The following SHISA9 variants were observed in gnomAD, a reference collection of about 807,000 sequenced individuals.
The protein encoded by SHISA9 is shisa family member 9.
In SHISA9, 13 loss-of-function variants were observed where a neutral mutation model predicts 38.0. The ratio of observed to expected loss-of-function variants is 0.34; its 90% CI spans 0.22 to 0.54. The LOEUF (loss-of-function observed/expected upper bound fraction) is 0.54, where lower values mean the gene tolerates loss of function less well. Among genes scored for constraint, SHISA9 ranks in the 20% least tolerant of loss-of-function variants. SHISA9 has a pLI of 0.91. For missense variants in SHISA9, 538 were observed against 575.8 expected (o/e 0.93, Z 0.67); for synonymous variants, 275 against 242.0 (o/e 1.14, Z -1.27).
At chr16:13,405,467 T>C in the SHISA9 span, among the ~76,000 whole-genome samples, 1 of 152,216 alleles carries the variant, frequency 6.6e-6, no homozygotes, top group Non-Finnish European at 1.5e-5. Context: ...AAGACATTTG[T>C]TTGTTAGTTT....
chr16:12,932,727 G>T (rs1217254884), intron 2 of SHISA9, among the ~76,000 whole-genome samples: 1 of 152,206 alleles, frequency 6.6e-6, no homozygotes, highest in East Asian at 1.9e-4. Flanking sequence ...AGTTTGGTCT[G>T]ACTCTGAAGC....
the SHISA9 span, among the ~76,000 whole-genome samples, chr16:13,374,127 C>T: frequency 1.8e-4 from 27 of 152,100 alleles, no homozygotes; most frequent in East Asian, 4.1e-3. Context: ...CCAAAATGTC[C>T]TGGCTTATTT....
chr16:13,443,808 C>T, the SHISA9 span, among the ~76,000 whole-genome samples: 1 of 152,206 alleles, frequency 6.6e-6, no homozygotes, highest in Non-Finnish European at 1.5e-5. Flanking sequence ...TCTTAGGCCT[C>T]TCTTTATTCT....
chr16:13,236,930 A>G lies in SHISA9; in HGVS notation c.*1521A>G, dbSNP rs2051390821. The G allele has an allele frequency of 6.6e-6, 1 of 152,176 alleles. No individual in the cohort carries two copies. The highest frequency in any genetic ancestry group is 2.1e-4 in the South Asian group (1 of 4,832). The allele number at this position is 152,176 out of a possible 1,614,324, so 9.4% of individuals were successfully genotyped here. A position where few individuals can be genotyped will look rare whatever the true frequency, so the allele number is the denominator to read the frequency against. On this transcript the variant is annotated 3_prime_UTR_variant, in exon 5 of 5. Transcript: ENST00000558583. ...TTTTTCTGGTTGGTTCTCATAATCC[A>G]TAGTCCTTGGGGTCCCAGCAAAGTC...
At chr16:13,431,661 C>T in the SHISA9 span, among the ~76,000 whole-genome samples, 17 of 152,206 alleles carry the variant, frequency 1.1e-4, no homozygotes, top group African/African-American at 4.1e-4. Context: ...CCACTGACCT[C>T]AACAGTAGCT....
intron 2 of SHISA9, among the ~76,000 whole-genome samples, chr16:13,002,446 G>A (rs1007495102): frequency 6.6e-6 from 1 of 151,600 alleles, no homozygotes; most frequent in African/African-American, 2.4e-5. Flanking sequence ...CTCATAACCA[G>A]TTATTTATTT....
chr16:12,970,491 ATATATATTTTTTTTTTTTTTT>A (rs1485895248), intron 2 of SHISA9, among the ~76,000 whole-genome samples: 6 of 28,218 alleles, frequency 2.1e-4, no homozygotes, highest in South Asian at 1.7e-3. Flanking sequence ...ATATATATAT[ATATATATTTTTTTTTTTTTTT>A]TTTTTTTTTT....
At chr16:13,318,281 C>A in the SHISA9 span, among the ~76,000 whole-genome samples, 1 of 152,090 alleles carries the variant, frequency 6.6e-6, no homozygotes, top group Non-Finnish European at 1.5e-5. Context: ...ATGCCAGTAG[C>A]AAATACCCTT....
intron 2 of SHISA9, among the ~76,000 whole-genome samples, chr16:13,058,751 T>TTGTGTGTGTGTGTGTGTG (rs57415975): frequency 7.6e-5 from 11 of 144,858 alleles, no homozygotes; most frequent in African/African-American, 2.8e-4. Flanking sequence ...TGTGGTGTAT[T>TTGTGTGTGTGTGTGTGTG]TGTGTGTGTG....
At chr16:13,140,776 G>C (rs988681403) in intron 2 of SHISA9, among the ~76,000 whole-genome samples, 1 of 152,170 alleles carries the variant, frequency 6.6e-6, no homozygotes, top group Non-Finnish European at 1.5e-5. Flanking sequence ...GAGGGTTTGA[G>C]GGGTCAGGAA....
At chr16:12,940,057 G>C (rs1328015649) in intron 2 of SHISA9, among the ~76,000 whole-genome samples, 1 of 152,132 alleles carries the variant, frequency 6.6e-6, no homozygotes, top group Non-Finnish European at 1.5e-5. Context: ...CCTTCCCAAG[G>C]GTCACATTTT....
intron 2 of SHISA9, among the ~76,000 whole-genome samples, chr16:13,185,526 A>G (rs914677420): frequency 1.3e-5 from 2 of 152,176 alleles, no homozygotes; most frequent in Non-Finnish European, 2.9e-5. Flanking sequence ...CTTGATTAAC[A>G]TTTTTAGAAA....
chr16:12,974,017 G>A (rs535867511), intron 2 of SHISA9, among the ~76,000 whole-genome samples: 148 of 152,284 alleles, frequency 9.7e-4, no homozygotes, highest in African/African-American at 3.4e-3. Context: ...CCCAGAGTGG[G>A]CTGAAGACAC....
At chr16:13,035,446 C>T (rs1032142370) in intron 2 of SHISA9, among the ~76,000 whole-genome samples, 19 of 152,138 alleles carry the variant, frequency 1.2e-4, no homozygotes, top group African/African-American at 4.6e-4. Context: ...GGTTTGTCCA[C>T]AGAGCTCAAT....
the SHISA9 span, among the ~76,000 whole-genome samples, chr16:13,448,356 C>T: frequency 1.3e-5 from 2 of 152,172 alleles, no homozygotes; most frequent in Admixed American, 6.5e-5. Flanking sequence ...CTGACCTAAG[C>T]ACTAGGTTGG....
the SHISA9 span, among the ~76,000 whole-genome samples, chr16:13,500,622 G>T: frequency 1.3e-4 from 20 of 150,068 alleles, no homozygotes; most frequent in East Asian, 4.0e-3. Context: ...GAGGCAGAGG[G>T]AGAGGGAGAG....
the SHISA9 span, among the ~76,000 whole-genome samples, chr16:13,275,989 T>A: frequency 6.6e-6 from 1 of 152,026 alleles, no homozygotes; most frequent in African/African-American, 2.4e-5. Flanking sequence ...AGTAAGTTCT[T>A]TAGTGGTGAT....
intron 2 of SHISA9, among the ~76,000 whole-genome samples, chr16:13,063,719 A>G (rs763940427): frequency 5.3e-5 from 8 of 152,202 alleles, no homozygotes; most frequent in Non-Finnish European, 7.3e-5. Flanking sequence ...TGCAAAGACT[A>G]TAACAGAGAC....
rs1045290203 is a variant in SHISA9, at chr16:13,106,007, C to T, written c.692-97387C>T. Among the ~76,000 whole-genome samples the T allele has an allele frequency of 5.9e-5, 9 of 152,286 alleles. No individual in the cohort carries two copies. The South Asian group carries it at 1.7e-3, about 28-fold the overall frequency. ...CTCTATTCCCATAGGTAGTGTGCTA[C>T]CTTCTGCCTCTTTACCTTTGTCCCT... On this transcript the variant is annotated intron_variant, in intron 2 of 4. Transcript: ENST00000558583.
Sources: allele counts gnomAD v4.1 joint callset (sites outside exome capture counted in the v4.1 genomes callset), GRCh38; gene constraint gnomAD v4.1.1; transcripts MANE v1.5; gene names NCBI Gene and HGNC (gene_info 2026-07-23, HGNC 2026-07-21).